The following TFEB variants were observed in gnomAD, a reference collection of about 807,000 sequenced individuals.
The protein encoded by TFEB is transcription factor EB.
A neutral mutation model predicts 48.0 loss-of-function variants in TFEB; 12 were observed. The observed-to-expected ratio is 0.25, with a 90% confidence interval of 0.16 to 0.40. TFEB has a LOEUF of 0.40. Ranked by LOEUF, TFEB falls within the 10% of genes least tolerant of loss-of-function variation. TFEB has a pLI of 1.00. For missense variants in TFEB, 509 were observed against 640.3 expected (o/e 0.79, Z 2.21); for synonymous variants, 244 against 261.4 (o/e 0.93, Z 0.64).
At chr6:41,697,512 C>CT (rs1554134533) in intron 1 of TFEB, among the ~76,000 whole-genome samples, 21 of 150,192 alleles carry the variant, frequency 1.4e-4, no homozygotes, top group African/African-American at 4.9e-4. Flanking sequence ...AACCCCCCCC[C>CT]TTCCCCAAGT....
chr6:41,695,316 T>C (rs1435746415), intron 1 of TFEB, among the ~76,000 whole-genome samples: 3 of 152,282 alleles, frequency 2.0e-5, no homozygotes, highest in South Asian at 4.1e-4. Flanking sequence ...TGTCAGTCAT[T>C]TACACCTTAG....
chr6:41,719,646 C>T (rs1770894668), intron 1 of TFEB, among the ~76,000 whole-genome samples: 3 of 152,298 alleles, frequency 2.0e-5, no homozygotes, highest in Middle Eastern at 6.8e-3. Flanking sequence ...CCCATTTATT[C>T]GGCCCTTATT....
chr6:41,736,137 C>T (rs780743642), upstream of TFEB: 4 of 1,612,894 alleles, frequency 2.5e-6, no homozygotes, highest in South Asian at 4.4e-5. Context: ...ACATTCACGC[C>T]CCACTCACCA....
In TFEB at chr6:41,734,620, G is replaced by A. The variant is rs951625595; in HGVS notation, c.-23+730C>T. Among the ~76,000 whole-genome samples the A allele has an allele frequency of 1.3e-5, 2 of 151,426 alleles. No homozygotes were observed. The highest frequency in any genetic ancestry group is 3.0e-5 in the Non-Finnish European group (2 of 67,776). On this transcript the variant is annotated intron_variant, in intron 1 of 8. Transcript: ENST00000373033. This position sits in a 1 kb window ranked among gnomAD's most constrained non-coding sequence, Gnocchi z 4.0. The stretch of plus-strand genomic sequence containing the variant: ...GCAGGCAGCTGGGAACCCGGGGGGA[G>A]GCAGACAACGGGGCGCACGGAGGGA...
rs748808677 is a variant in TFEB, at chr6:41,686,098, G to A, written c.943C>T (p.Arg315Cys). ...LEMTNKQLWL[R>C]IQELEMQARV... ...CAAGTTCAGGACCAGACCTGGATAC[G>A]GAGCCAGAGCTGCTTGTTGGTCATC... Residue 315 changes from arginine (R) to cysteine (C), a missense_variant, in exon 8 of 9, where the codon CGT (arginine) becomes TGT (cysteine). By Grantham distance (180) the Arg-to-Cys change is radical. Transcript: ENST00000373033. 6 of 1,614,248 alleles carry A rather than the reference G, an allele frequency of 3.7e-6. No homozygotes were observed. Among genetic ancestry groups the A allele is most frequent in the Middle Eastern group, 1.6e-4 (1 of 6,062 alleles).
chr6:41,714,591 T>C (rs1770650001), intron 1 of TFEB, among the ~76,000 whole-genome samples: 1 of 152,204 alleles, frequency 6.6e-6, no homozygotes, highest in Non-Finnish European at 1.5e-5. Flanking sequence ...GAGCACTTAC[T>C]ACATGCCAGC....
chr6:41,726,390 G>GGCGTACAA (rs1771209697), intron 1 of TFEB, among the ~76,000 whole-genome samples: 1 of 152,180 alleles, frequency 6.6e-6, no homozygotes, highest in South Asian at 2.1e-4. Flanking sequence ...AGTTGATTTT[G>GGCGTACAA]GCGTACAAGC....
chr6:41,695,855 C>G (rs1017348934), intron 1 of TFEB, among the ~76,000 whole-genome samples: 1 of 152,204 alleles, frequency 6.6e-6, no homozygotes, highest in East Asian at 1.9e-4. Flanking sequence ...TATGGGGGGG[C>G]CCAACCTGCT....
chr6:41,731,312 G>A (rs115227852), intron 1 of TFEB, among the ~76,000 whole-genome samples: 2,096 of 152,148 alleles, frequency 0.014, 42 homozygotes, highest in African/African-American at 0.047. Context: ...CAGAGCCCAC[G>A]TTCTCAACAA....
Position 41,734,776 on chromosome 6 carries a change from G to T in TFEB, c.-23+574C>A. ...CCGAGCTGGAGGAAGGGACGGGAAG[G>T]GAGGGAGAGATGGTACTTCCACCCG... On this transcript the variant is annotated intron_variant, in intron 1 of 8. Coordinates refer to ENST00000373033, the MANE Select transcript of TFEB (RefSeq NM_001271944.2). This position sits in a 1 kb window ranked among gnomAD's most constrained non-coding sequence, Gnocchi z 4.0. 3.2e-6 allele frequency: 2 copies of T among 621,582 alleles called. No homozygotes were observed. Among genetic ancestry groups the T allele is most frequent in the Non-Finnish European group, 4.0e-6 (2 of 496,854 alleles). The allele number at this position is 621,582 out of a possible 1,614,324, so 38.5% of individuals were successfully genotyped here. A position where few individuals can be genotyped will look rare whatever the true frequency, so the allele number is the denominator to read the frequency against.
At chr6:41,705,082 C>T (rs573575952) in intron 1 of TFEB, among the ~76,000 whole-genome samples, 1 of 152,324 alleles carries the variant, frequency 6.6e-6, no homozygotes, top group Non-Finnish European at 1.5e-5. Context: ...ACACACTCAC[C>T]AGTACACACA....
chr6:41,706,452 G>A (rs942677131), intron 1 of TFEB, among the ~76,000 whole-genome samples: 16 of 152,048 alleles, frequency 1.1e-4, no homozygotes, highest in African/African-American at 2.4e-4. Flanking sequence ...GGAACTCAGC[G>A]GGGGCTCTTC....
At chr6:41,712,510 G>T (rs1389052580) in intron 1 of TFEB, among the ~76,000 whole-genome samples, 1 of 152,170 alleles carries the variant, frequency 6.6e-6, no homozygotes, top group East Asian at 1.9e-4. Context: ...CCTCCTCGGA[G>T]AACAGGACTA....
intron 1 of TFEB, among the ~76,000 whole-genome samples, chr6:41,728,098 G>C (rs530865640): frequency 1.4e-4 from 21 of 152,368 alleles, no homozygotes; most frequent in African/African-American, 5.1e-4. Flanking sequence ...GCAAAGGGCA[G>C]GTATCACCGC....
At position 41,723,879 on chromosome 6, in the gene TFEB, A is replaced by G. The variant is rs1175321755; in HGVS notation, c.-23+11471T>C. 1 of 504,824 alleles carries G rather than the reference A, an allele frequency of 2.0e-6. No homozygotes were observed. Among genetic ancestry groups the G allele is most frequent in the Non-Finnish European group, 3.9e-6 (1 of 253,384 alleles). 31.3% of individuals were successfully genotyped at this position (504,824 alleles called of 1,614,324 possible). A position where few individuals can be genotyped will look rare whatever the true frequency, so the allele number is the denominator to read the frequency against. Reference sequence around the variant, plus strand: ...CACAGAGCAGCAAGAATTTCGCCAGAGTCCCAATCCCACCAGGTCCAGGGT... The same window carrying G: ...CACAGAGCAGCAAGAATTTCGCCAGGGTCCCAATCCCACCAGGTCCAGGGT... On this transcript the variant is annotated intron_variant, in intron 1 of 8. Coordinates refer to ENST00000373033, the MANE Select transcript of TFEB (RefSeq NM_001271944.2). This position sits in a 1 kb window ranked among gnomAD's most constrained non-coding sequence, Gnocchi z 6.0.
intron 1 of TFEB, among the ~76,000 whole-genome samples, chr6:41,726,943 T>C (rs1313459871): frequency 1.3e-5 from 2 of 152,116 alleles, no homozygotes; most frequent in Non-Finnish European, 2.9e-5. Flanking sequence ...TAGGCACAGG[T>C]CTGGAGTAGT....
At chr6:41,708,532 C>T (rs1320571086) in intron 1 of TFEB, among the ~76,000 whole-genome samples, 1 of 152,204 alleles carries the variant, frequency 6.6e-6, no homozygotes. Context: ...TCTGCAGAGG[C>T]CTCCAATGGC....
chr6:41,728,026 C>T (rs997269313), intron 1 of TFEB, among the ~76,000 whole-genome samples: 1 of 152,202 alleles, frequency 6.6e-6, no homozygotes, highest in Non-Finnish European at 1.5e-5. Flanking sequence ...GGCTGAGGGC[C>T]TAAACCACGC....
chr6:41,731,499 C>A (rs1447090524), intron 1 of TFEB, among the ~76,000 whole-genome samples: 1 of 151,550 alleles, frequency 6.6e-6, no homozygotes, highest in Admixed American at 6.6e-5. Context: ...GCTTTCTCTT[C>A]CTTTTTCTTC....
Sources: gnomAD v4.1 joint callset for allele counts (sites outside exome capture counted in the v4.1 genomes callset) on GRCh38, gnomAD v4.1.1 for gene constraint, Gnocchi (gnomAD v3.1) non-coding constraint, MANE v1.5 for transcripts, NCBI Gene and HGNC (gene_info 2026-07-23, HGNC 2026-07-21) for gene names.